The following RNF150 variants were observed in gnomAD, a reference collection of about 807,000 sequenced individuals.
The protein encoded by RNF150 is ring finger protein 150.
In RNF150, 24 loss-of-function variants were observed where a neutral mutation model predicts 39.3. That is an observed-to-expected ratio of 0.61 (90% CI 0.44 to 0.86). The LOEUF (loss-of-function observed/expected upper bound fraction) is 0.86, where lower values mean the gene tolerates loss of function less well. Ranked by LOEUF, RNF150 falls within the 40% of genes least tolerant of loss-of-function variation. RNF150 has a pLI of 0.00. For missense variants in RNF150, 502 were observed against 587.8 expected (o/e 0.85, Z 1.51); for synonymous variants, 255 against 227.3 (o/e 1.12, Z -1.10).
At chr4:141,151,136 G>T (rs1446036369) in intron 1 of RNF150, among the ~76,000 whole-genome samples, 5 of 151,872 alleles carry the variant, frequency 3.3e-5, no homozygotes, top group African/African-American at 1.2e-4. Context: ...AGAGGATGGG[G>T]TCTCATTTTG....
At chr4:140,986,689 G>A (rs576921126) in intron 1 of RNF150, among the ~76,000 whole-genome samples, 2 of 152,030 alleles carry the variant, frequency 1.3e-5, no homozygotes, top group South Asian at 4.2e-4. Flanking sequence ...TCCTTCACTG[G>A]ATGAATAGGC....
At chr4:141,093,077 GA>G (rs1268388259) in intron 1 of RNF150, among the ~76,000 whole-genome samples, 1 of 152,054 alleles carries the variant, frequency 6.6e-6, no homozygotes, top group East Asian at 1.9e-4. Context: ...ATAAAAAAGG[GA>G]ACTGGTGGCT....
intron 1 of RNF150, among the ~76,000 whole-genome samples, chr4:141,059,747 C>A (rs935365193): frequency 6.6e-6 from 1 of 151,964 alleles, no homozygotes. Flanking sequence ...AAAAAAGAAA[C>A]CTTCTATCTA....
At chr4:140,875,735 C>T (rs1729131298) in intron 6 of RNF150, among the ~76,000 whole-genome samples, 1 of 151,742 alleles carries the variant, frequency 6.6e-6, no homozygotes, top group Non-Finnish European at 1.5e-5. Flanking sequence ...TTTTTTAATG[C>T]ATATTTTGGT....
chr4:141,045,838 C>G (rs74851055), intron 1 of RNF150, among the ~76,000 whole-genome samples: 8 of 152,112 alleles, frequency 5.3e-5, no homozygotes, highest in African/African-American at 1.7e-4. Flanking sequence ...GCCACAGCGC[C>G]TGGCCTAGGA....
Position 140,983,736 on chromosome 4 carries a change from T to C in RNF150, c.485-15863A>G, listed in dbSNP as rs577218047. 1.4e-4 allele frequency among the ~76,000 whole-genome samples: 21 copies of C among 150,248 alleles called. No individual in the cohort carries two copies. The East Asian group carries it at 3.9e-3, about 28-fold the overall frequency. On this transcript the variant is annotated intron_variant, in intron 1 of 6. Coordinates refer to ENST00000515673, the MANE Select transcript of RNF150 (RefSeq NM_020724.2). ...TGAATAACTTTGTATGTTGTATAAC[T>C]GCCTTTTTTTTTTTTTTTTTTGAGA...
At chr4:141,037,381 T>A (rs1314298726) in intron 1 of RNF150, among the ~76,000 whole-genome samples, 1 of 152,178 alleles carries the variant, frequency 6.6e-6, no homozygotes, top group Non-Finnish European at 1.5e-5. Context: ...ATATTTATGT[T>A]AATGTGAGGA....
intron 1 of RNF150, among the ~76,000 whole-genome samples, chr4:141,173,589 T>C (rs1330044741): frequency 6.6e-6 from 1 of 152,158 alleles, no homozygotes; most frequent in African/African-American, 2.4e-5. Context: ...AAGTTTCAAT[T>C]TGCCCTCTTG....
In RNF150 at chr4:140,865,229, G is replaced by A. The variant is rs1159281582; in HGVS notation, c.*3032C>T. 6.6e-6 allele frequency: 1 copy of A among 152,168 alleles called. No homozygotes were observed. The highest frequency in any genetic ancestry group is 1.5e-5 in the Non-Finnish European group (1 of 68,018). The allele number at this position is 152,168 out of a possible 1,614,324, so 9.4% of individuals were successfully genotyped here. A position where few individuals can be genotyped will look rare whatever the true frequency, so the allele number is the denominator to read the frequency against. ...CATGTTGAAACAATATTAGGTTAAAGTACATGATTAAAATTATCTTTACCT... is the reference window on the plus strand; with the variant it reads ...CATGTTGAAACAATATTAGGTTAAAATACATGATTAAAATTATCTTTACCT... On this transcript the variant is annotated 3_prime_UTR_variant, in exon 7 of 7. Transcript: ENST00000515673.
At chr4:141,092,972 G>A (rs2111013114) in intron 1 of RNF150, among the ~76,000 whole-genome samples, 1 of 152,222 alleles carries the variant, frequency 6.6e-6, no homozygotes, top group East Asian at 1.9e-4. Context: ...AAACTGAAGG[G>A]CCATTGCCCT....
intron 1 of RNF150, among the ~76,000 whole-genome samples, chr4:141,009,348 C>A (rs1734988219): frequency 6.6e-6 from 1 of 152,214 alleles, no homozygotes; most frequent in Non-Finnish European, 1.5e-5. Context: ...GCTCCAGAGT[C>A]AGACTGCTTC....
At chr4:141,075,964 G>T (rs1737880645) in intron 1 of RNF150, among the ~76,000 whole-genome samples, 1 of 152,050 alleles carries the variant, frequency 6.6e-6, no homozygotes, top group African/African-American at 2.4e-5. Context: ...AAAAATAAAT[G>T]AAGACAATTT....
intron 1 of RNF150, among the ~76,000 whole-genome samples, chr4:141,068,296 T>C (rs564525736): frequency 9.2e-5 from 14 of 152,202 alleles, no homozygotes; most frequent in Non-Finnish European, 1.9e-4. Flanking sequence ...TCAAATTATA[T>C]AGCAAGTTTT....
intron 1 of RNF150, among the ~76,000 whole-genome samples, chr4:140,969,916 AT>A (rs1365221117): frequency 6.6e-6 from 1 of 151,960 alleles, no homozygotes; most frequent in African/African-American, 2.4e-5. Flanking sequence ...GGTATGCGCC[AT>A]CATGCCTTGC....
intron 6 of RNF150, among the ~76,000 whole-genome samples, chr4:140,883,296 C>G (rs1553988038): frequency 6.6e-6 from 1 of 152,088 alleles, no homozygotes; most frequent in Non-Finnish European, 1.5e-5. Flanking sequence ...GATTTATGTA[C>G]CACCATTACA....
At chr4:141,054,818 G>C (rs1204566367) in intron 1 of RNF150, among the ~76,000 whole-genome samples, 1 of 152,074 alleles carries the variant, frequency 6.6e-6, no homozygotes, top group East Asian at 1.9e-4. Flanking sequence ...AACTGTATTA[G>C]GTATTAATTT....
intron 1 of RNF150, among the ~76,000 whole-genome samples, chr4:141,018,193 T>C (rs533527116): frequency 1.1e-4 from 16 of 152,296 alleles, no homozygotes; most frequent in South Asian, 2.1e-4. Flanking sequence ...ACATCTCTCT[T>C]ATCCCTCTAG....
chr4:141,030,406 T>C (rs1468605869), intron 1 of RNF150, among the ~76,000 whole-genome samples: 2 of 152,124 alleles, frequency 1.3e-5, no homozygotes, highest in African/African-American at 4.8e-5. Context: ...TCCCAAGAGG[T>C]TGAAAATTAT....
intron 1 of RNF150, among the ~76,000 whole-genome samples, chr4:141,008,188 T>C (rs1034667090): frequency 6.6e-6 from 1 of 152,230 alleles, no homozygotes; most frequent in Non-Finnish European, 1.5e-5. Flanking sequence ...CAATGTATAC[T>C]TGAAAATTCT....
Sources: gnomAD v4.1 joint callset for allele counts (sites outside exome capture counted in the v4.1 genomes callset) on GRCh38, gnomAD v4.1.1 for gene constraint, MANE v1.5 for transcripts, NCBI Gene and HGNC (gene_info 2026-07-23, HGNC 2026-07-21) for gene names.